The following RPH3A variants were observed in gnomAD, a reference collection of about 807,000 sequenced individuals.
RPH3A encodes the protein rabphilin-3A.
Under a neutral mutation model 102.2 loss-of-function variants are expected in RPH3A, and 48 were observed. The observed-to-expected ratio is 0.47, with a 90% CI of 0.37 to 0.60. The LOEUF (loss-of-function observed/expected upper bound fraction) is 0.60, where lower values mean the gene tolerates loss of function less well. Among genes scored for constraint, RPH3A ranks in the 20% least tolerant of loss-of-function variants. The pLI, the probability that RPH3A is intolerant of heterozygous loss-of-function variation, is 0.00. For synonymous variants in RPH3A, 310 were observed against 324.3 expected (o/e 0.96, Z 0.47); for missense variants, 781 against 910.1 (o/e 0.86, Z 1.83).
chr12:112,635,367 G>A (rs957295900), intron 1 of RPH3A, among the ~76,000 whole-genome samples: 1 of 152,182 alleles, frequency 6.6e-6, no homozygotes, highest in Non-Finnish European at 1.5e-5. Flanking sequence ...TCTCAGCTTT[G>A]CCACTTACAG....
intron 1 of RPH3A, among the ~76,000 whole-genome samples, chr12:112,613,790 A>G (rs1401459411): frequency 6.6e-6 from 1 of 152,190 alleles, no homozygotes; most frequent in Non-Finnish European, 1.5e-5. Flanking sequence ...TCTGCAAAAA[A>G]TTAACTAGCT....
At chr12:112,816,279 A>G (rs1404307691) in intron 2 of RPH3A, among the ~76,000 whole-genome samples, 1 of 152,208 alleles carries the variant, frequency 6.6e-6, no homozygotes, top group Non-Finnish European at 1.5e-5. Context: ...TTCTACGATC[A>G]TTACCAAGAT....
At chr12:112,855,690 G>C (rs991797044) in intron 5 of RPH3A, among the ~76,000 whole-genome samples, 1 of 152,206 alleles carries the variant, frequency 6.6e-6, no homozygotes, top group Non-Finnish European at 1.5e-5. Flanking sequence ...GTTCCTGAGA[G>C]ACCCTGGCAT....
chr12:112,847,876 T>C (rs1166811048), intron 5 of RPH3A, 34 bp downstream of exon 5: 1 of 1,607,640 alleles, frequency 6.2e-7, no homozygotes, highest in South Asian at 1.1e-5. Context: ...ACCCCAGAGC[T>C]GCTGTGGCAG....
intron 1 of RPH3A, among the ~76,000 whole-genome samples, chr12:112,586,908 C>A (rs1185612505): frequency 1.3e-5 from 2 of 152,182 alleles, no homozygotes; most frequent in Admixed American, 1.3e-4. Context: ...GCATCAAATT[C>A]TACATGATAG....
At chr12:112,792,755 C>T (rs1241396319) in intron 2 of RPH3A, among the ~76,000 whole-genome samples, 1 of 152,116 alleles carries the variant, frequency 6.6e-6, no homozygotes, top group African/African-American at 2.4e-5. Context: ...TAGATTGTAC[C>T]CTCTTCTAGG....
chr12:112,888,677 T>C (rs1243202478), intron 17 of RPH3A, among the ~76,000 whole-genome samples: 2 of 152,218 alleles, frequency 1.3e-5, no homozygotes, highest in African/African-American at 4.8e-5. Context: ...AGAACTGTCA[T>C]TGTTGTTGTC....
chr12:112,738,858 C>T (rs2040687639), intron 1 of RPH3A, among the ~76,000 whole-genome samples: 1 of 152,162 alleles, frequency 6.6e-6, no homozygotes, highest in African/African-American at 2.4e-5. Flanking sequence ...AACAGATCTG[C>T]AAGCCCTGGG....
At chr12:112,604,034 G>A (rs755198695) in intron 1 of RPH3A, among the ~76,000 whole-genome samples, 1 of 152,208 alleles carries the variant, frequency 6.6e-6, no homozygotes, top group Non-Finnish European at 1.5e-5. Flanking sequence ...GGTAGGCAAA[G>A]TTCTAAATAA....
intron 1 of RPH3A, among the ~76,000 whole-genome samples, chr12:112,777,355 C>G (rs553450544): frequency 6.6e-6 from 1 of 152,330 alleles, no homozygotes; most frequent in East Asian, 1.9e-4. Flanking sequence ...TTCAAATCCC[C>G]TAGTAGCTTC....
chr12:112,767,810 T>C (rs1489878188), intron 1 of RPH3A, among the ~76,000 whole-genome samples: 1 of 152,170 alleles, frequency 6.6e-6, no homozygotes. Flanking sequence ...GAATATGTGC[T>C]ACATCACGAT....
At chr12:112,851,115 T>A (rs1011322540) in intron 5 of RPH3A, among the ~76,000 whole-genome samples, 1 of 152,218 alleles carries the variant, frequency 6.6e-6, no homozygotes, top group Non-Finnish European at 1.5e-5. Flanking sequence ...TAAATAATCA[T>A]CATGATGGAT....
chr12:112,686,295 T>C (rs373830895), intron 1 of RPH3A, among the ~76,000 whole-genome samples: 12 of 152,128 alleles, frequency 7.9e-5, no homozygotes, highest in South Asian at 4.1e-4. Context: ...ACATGTGTGG[T>C]AGATTGTAAA....
intron 1 of RPH3A, among the ~76,000 whole-genome samples, chr12:112,700,486 G>A (rs2136028624): frequency 6.6e-6 from 1 of 152,234 alleles, no homozygotes; most frequent in East Asian, 1.9e-4. Flanking sequence ...CTCAGAAATG[G>A]GGAAATCTAT....
At chr12:112,584,144 G>A (rs1288972364) in intron 1 of RPH3A, among the ~76,000 whole-genome samples, 4 of 152,292 alleles carry the variant, frequency 2.6e-5, no homozygotes, top group Non-Finnish European at 4.4e-5. Flanking sequence ...AAGGAAGTCT[G>A]CAGTATCACA....
intron 1 of RPH3A, among the ~76,000 whole-genome samples, chr12:112,783,868 C>G (rs937009463): frequency 6.6e-6 from 1 of 152,136 alleles, no homozygotes; most frequent in African/African-American, 2.4e-5. Flanking sequence ...TCTGCTCCCT[C>G]CTTTATACTA....
intron 4 of RPH3A, among the ~76,000 whole-genome samples, chr12:112,844,118 C>A (rs1028118086): frequency 2.0e-5 from 3 of 152,232 alleles, no homozygotes; most frequent in African/African-American, 7.2e-5. Context: ...ATCCCCACCT[C>A]TTGGTGTTCA....
At chr12:112,788,957 G>C (rs1056896965), upstream of RPH3A, among the ~76,000 whole-genome samples, 2 of 152,128 alleles carry the variant, frequency 1.3e-5, no homozygotes, top group African/African-American at 4.8e-5. Context: ...TCAGGAGTTC[G>C]AGACCAGCCT....
At position 112,781,679 on chromosome 12, in the gene RPH3A, CCATT is replaced by C. The variant is rs547954394; in HGVS notation, c.-139-10449_-139-10446del. Among the ~76,000 whole-genome samples, 41 of 152,326 alleles carry C rather than the reference CCATT, an allele frequency of 2.7e-4. No individual in the cohort carries two copies. In the South Asian group the frequency reaches 7.5e-3, roughly 28 times the overall value. On this transcript the variant is annotated intron_variant, in intron 1 of 21. Transcript: ENST00000543106. ...GCTCATAAAATGGTGCCCTTTTCAT[CCATT>C]CATTCATTCATTCACTCAATCATTC...
Sources: allele counts gnomAD v4.1 joint callset (sites outside exome capture counted in the v4.1 genomes callset), GRCh38; gene constraint gnomAD v4.1.1; transcripts MANE v1.5; gene names NCBI Gene and HGNC (gene_info 2026-07-23, HGNC 2026-07-21).